The following MAD2L1BP variants were observed in gnomAD, a reference collection of about 807,000 sequenced individuals.
MAD2L1BP encodes the protein MAD2L1-binding protein.
MAD2L1BP carries 22 observed loss-of-function variants against 28.4 expected under a neutral mutation model. That is an observed-to-expected ratio of 0.77 (90% confidence interval 0.55 to 1.10). MAD2L1BP has a LOEUF of 1.10. MAD2L1BP is among the 50% of genes least tolerant of loss of function. MAD2L1BP has a pLI of 0.00. For synonymous variants in MAD2L1BP, 146 were observed against 133.7 expected (o/e 1.09, Z -0.63); for missense variants, 325 against 350.5 (o/e 0.93, Z 0.58).
intron 2 of MAD2L1BP, among the ~76,000 whole-genome samples, chr6:43,638,657 G>A (rs1311943091): frequency 9.2e-5 from 14 of 151,998 alleles, no homozygotes; most frequent in Non-Finnish European, 4.4e-5. Context: ...TTAGCCGGGC[G>A]TGGTGGTGGG....
At position 43,640,848 on chromosome 6, in the gene MAD2L1BP, T is replaced by G. The variant is rs1770519244; in HGVS notation, c.*315T>G. The G allele has an allele frequency of 7.5e-6, 2 of 266,768 alleles. No homozygotes were observed. The highest frequency in any genetic ancestry group is 1.4e-5 in the Non-Finnish European group (2 of 142,068). The allele number at this position is 266,768 out of a possible 1,614,324, so 16.5% of individuals were successfully genotyped here. ...GACACTCTATGGAGGTGTCCCTTTCTGCTCTTTGCTGTGTCCTTTCAGAAT... is the reference window on the plus strand; with the variant it reads ...GACACTCTATGGAGGTGTCCCTTTCGGCTCTTTGCTGTGTCCTTTCAGAAT... On this transcript the variant is annotated 3_prime_UTR_variant, in exon 3 of 3. Coordinates refer to ENST00000372171, the MANE Select transcript of MAD2L1BP (RefSeq NM_014628.3).
upstream of MAD2L1BP, among the ~76,000 whole-genome samples, chr6:43,633,531 C>T (rs1057214481): frequency 2.6e-5 from 4 of 151,554 alleles, no homozygotes; most frequent in African/African-American, 9.7e-5. Flanking sequence ...CTGAAACACG[C>T]CCTTTTCTTG....
intron 2 of MAD2L1BP, among the ~76,000 whole-genome samples, chr6:43,638,551 C>T (rs1159556180): frequency 6.6e-6 from 1 of 151,646 alleles, no homozygotes; most frequent in African/African-American, 2.4e-5. Flanking sequence ...AATCCCAACA[C>T]TTTGGGAGGC....
At chr6:43,634,127 C>T (rs1770064485), upstream of MAD2L1BP, among the ~76,000 whole-genome samples, 2 of 151,732 alleles carry the variant, frequency 1.3e-5, no homozygotes, top group South Asian at 4.1e-4. Context: ...AAAAGCTGAA[C>T]TCATCTTTTC....
chr6:43,631,475 G>A (rs1769924436), upstream of MAD2L1BP, among the ~76,000 whole-genome samples: 2 of 151,968 alleles, frequency 1.3e-5, no homozygotes, highest in Admixed American at 6.6e-5. Flanking sequence ...CATATACATG[G>A]ATTATTTTTA....
chr6:43,633,023 AAAAC>A (rs562588004), upstream of MAD2L1BP, among the ~76,000 whole-genome samples: 59 of 151,724 alleles, frequency 3.9e-4, no homozygotes, highest in East Asian at 1.4e-3. Context: ...ACTCCATCTA[AAAAC>A]AAACAAACAA....
At chr6:43,637,914 T>G (rs1770334512) in intron 2 of MAD2L1BP, among the ~76,000 whole-genome samples, 1 of 151,180 alleles carries the variant, frequency 6.6e-6, no homozygotes, top group African/African-American at 2.4e-5. Context: ...GTTTCTTTTT[T>G]TGAGAAGGAG....
At chr6:43,631,675 G>C (rs1769933748), upstream of MAD2L1BP, among the ~76,000 whole-genome samples, 1 of 151,920 alleles carries the variant, frequency 6.6e-6, no homozygotes, top group South Asian at 2.1e-4. Context: ...TGTTTGTAGA[G>C]ATGGTGTCCC....
chr6:43,629,799 C>A, intron 1 of MAD2L1BP: 2 of 1,560,750 alleles, frequency 1.3e-6, no homozygotes, highest in Non-Finnish European at 1.7e-6. Context: ...AGGGCGGAGG[C>A]GGATGGTGAT....
chr6:43,635,274 G>A (rs1040656517), upstream of MAD2L1BP, among the ~76,000 whole-genome samples: 2 of 152,014 alleles, frequency 1.3e-5, no homozygotes, highest in African/African-American at 4.8e-5. Context: ...TTCATTCCTT[G>A]TACAGAGTAT....
chr6:43,633,555 G>C (rs1770044032), upstream of MAD2L1BP, among the ~76,000 whole-genome samples: 1 of 151,868 alleles, frequency 6.6e-6, no homozygotes, highest in African/African-American at 2.4e-5. Context: ...TCCATGACCT[G>C]ACACTTATTT....
chr6:43,633,238 C>G (rs376447125), upstream of MAD2L1BP: 6 of 417,484 alleles, frequency 1.4e-5, no homozygotes, highest in Non-Finnish European at 2.8e-5. Flanking sequence ...AATGGCATGA[C>G]CTCAGCTCAC....
At chr6:43,636,904 GTC>G (rs1442689227) in intron 2 of MAD2L1BP, 1 of 462,750 alleles carries the variant, frequency 2.2e-6, no homozygotes, top group Non-Finnish European at 3.9e-6. Context: ...TTGAGACAGA[GTC>G]TTGCTCTGTT....
upstream of MAD2L1BP, among the ~76,000 whole-genome samples, chr6:43,634,114 G>A (rs1030452907): frequency 1.3e-5 from 2 of 150,770 alleles, no homozygotes; most frequent in Non-Finnish European, 2.9e-5. Flanking sequence ...AATTCAATCT[G>A]TGAAAAGCTG....
intron 1 of MAD2L1BP, among the ~76,000 whole-genome samples, chr6:43,630,110 G>A (rs550572044): frequency 6.6e-6 from 1 of 152,342 alleles, no homozygotes; most frequent in South Asian, 2.1e-4. Context: ...CGGGGCTAGG[G>A]CTCGGGTTAC....
At chr6:43,630,789 G>C (rs1242783851) in intron 1 of MAD2L1BP, among the ~76,000 whole-genome samples, 1 of 148,858 alleles carries the variant, frequency 6.7e-6, no homozygotes, top group South Asian at 2.1e-4. Context: ...CACATCTGTG[G>C]TCCCAGCTGC....
chr6:43,635,735 C>T, upstream of MAD2L1BP: 1 of 762,394 alleles, frequency 1.3e-6, no homozygotes, highest in Non-Finnish European at 2.0e-6. Flanking sequence ...CAAATCCCAG[C>T]TCCACTTAAC....
chr6:43,629,626 G>A, exon 1 of MAD2L1BP: 5 of 1,008,182 alleles, frequency 5.0e-6, no homozygotes, highest in Middle Eastern at 3.0e-4. Flanking sequence ...CTTTGTGGGC[G>A]CTCCGGGATT....
At chr6:43,636,324 A>G (rs1230055690) in intron 1 of MAD2L1BP, 57 bp from the exon 2 acceptor site, 4 of 1,586,822 alleles carry the variant, frequency 2.5e-6, no homozygotes, top group Admixed American at 3.5e-5. Context: ...GAATGAGAAG[A>G]CTGACTGGCT....
Sources: allele counts gnomAD v4.1 joint callset (sites outside exome capture counted in the v4.1 genomes callset), GRCh38; gene constraint gnomAD v4.1.1; transcripts MANE v1.5; gene names NCBI Gene and HGNC (gene_info 2026-07-23, HGNC 2026-07-21).